PSMD14: variants seen among roughly 807,000 people sequenced by gnomAD.
PSMD14 encodes proteasome 26S subunit, non-ATPase 14, also known as ubiquitin C-terminal hydrolase PSMD14.
Under a neutral mutation model 41.2 loss-of-function variants are expected in PSMD14, and 7 were observed. The observed-to-expected ratio is 0.17, with a 90% CI of 0.10 to 0.32. PSMD14 has a LOEUF of 0.32. Ranked by LOEUF, PSMD14 falls within the 10% of genes least tolerant of loss-of-function variation. PSMD14 has a pLI of 1.00. For missense variants in PSMD14, 139 were observed against 375.6 expected, an observed-to-expected ratio of 0.37 and a Z score of 5.21; for synonymous variants, 114 against 122.3, an observed-to-expected ratio of 0.93 and a Z score of 0.45.
chr2:161,378,488 A>G (rs1683532034), intron 7 of PSMD14, among the ~76,000 whole-genome samples: 1 of 151,940 alleles, frequency 6.6e-6, no homozygotes, highest in South Asian at 2.1e-4. Context: ...AGTAACCAAA[A>G]GTGCTCTTTT....
At chr2:161,343,914 A>G (rs1009667046) in intron 3 of PSMD14, among the ~76,000 whole-genome samples, 1 of 152,116 alleles carries the variant, frequency 6.6e-6, no homozygotes, top group Non-Finnish European at 1.5e-5. Context: ...TTCTGCATCC[A>G]TGGATTCAAC....
chr2:161,316,243 T>TA (rs759646117), intron 1 of PSMD14, among the ~76,000 whole-genome samples, 194 bp from the exon 2 acceptor site: 24 of 152,228 alleles, frequency 1.6e-4, no homozygotes, highest in Non-Finnish European at 3.2e-4. Flanking sequence ...AAAATTTGGA[T>TA]ACAGGGTTAA....
At position 161,391,128 on chromosome 2, in the gene PSMD14, C is replaced by A; in HGVS notation, c.595C>A (p.His199Asn). ...IQALIHGLNRHYYSITINYRK... is the reference protein window; with the variant it reads ...IQALIHGLNRNYYSITINYRK... ...GGCATTAATTCATGGACTAAACAGA[C>A]ATTATTACTCCATTACTATTAACTA... Residue 199 changes from histidine (H) to asparagine (N), a missense_variant, in exon 9 of 12, where the codon CAT (histidine) becomes AAT (asparagine). Physicochemically the swap from His to Asn is moderately conservative, Grantham distance 68. Transcript: ENST00000409682. 1 of 1,532,894 alleles carries A rather than the reference C, an allele frequency of 6.5e-7. No homozygotes were observed. The highest frequency in any genetic ancestry group is 8.8e-7 in the Non-Finnish European group (1 of 1,138,006). The allele number at this position is 1,532,894 out of a possible 1,614,324, so 95.0% of individuals were successfully genotyped here. A position where few individuals can be genotyped will look rare whatever the true frequency, so the allele number is the denominator to read the frequency against.
chr2:161,357,682 G>A (rs1440334452), intron 3 of PSMD14, among the ~76,000 whole-genome samples: 1 of 152,118 alleles, frequency 6.6e-6, no homozygotes, highest in Non-Finnish European at 1.5e-5. Context: ...GCAGCAGACT[G>A]TGAAGTTGCA....
intron 1 of PSMD14, among the ~76,000 whole-genome samples, chr2:161,313,615 G>A (rs1424414069): frequency 1.3e-5 from 2 of 152,218 alleles, no homozygotes; most frequent in East Asian, 3.8e-4. Flanking sequence ...CTCCCAAATT[G>A]CTGGGATTAC....
chr2:161,371,411 T>G, intron 7 of PSMD14, 89 bp downstream of exon 7: 1 of 1,340,756 alleles, frequency 7.5e-7, no homozygotes, highest in African/African-American at 1.5e-5. Flanking sequence ...CAAAGCAGGA[T>G]TCTTAATTAC....
At chr2:161,372,464 A>G (rs1222232298) in intron 7 of PSMD14, among the ~76,000 whole-genome samples, 1 of 151,994 alleles carries the variant, frequency 6.6e-6, no homozygotes, top group African/African-American at 2.4e-5. Context: ...TGTCATTATC[A>G]TGTATAAAAA....
chr2:161,378,756 C>G (rs1009147096), intron 7 of PSMD14, among the ~76,000 whole-genome samples: 3 of 151,928 alleles, frequency 2.0e-5, no homozygotes, highest in Non-Finnish European at 2.9e-5. Flanking sequence ...TGTGTCATTT[C>G]ATTTAATTGA....
intron 10 of PSMD14, among the ~76,000 whole-genome samples, chr2:161,407,044 C>T (rs1022144280): frequency 6.6e-6 from 1 of 152,046 alleles, no homozygotes; most frequent in Non-Finnish European, 1.5e-5. Context: ...TTTTTGCCTC[C>T]TTCCAATACT....
At chr2:161,395,374 G>A (rs1683779060) in intron 10 of PSMD14, among the ~76,000 whole-genome samples, 171 bp downstream of exon 10, 1 of 152,144 alleles carries the variant, frequency 6.6e-6, no homozygotes, top group South Asian at 2.1e-4. Flanking sequence ...CCTTTGTAAT[G>A]CAAAGGCAGC....
intron 8 of PSMD14, among the ~76,000 whole-genome samples, chr2:161,389,889 G>GTTTTTTTTTTTTTTTTTTTTT (rs1162637393): frequency 2.0e-4 from 4 of 20,050 alleles, no homozygotes; most frequent in South Asian, 2.6e-3. Context: ...CTTTTTTGTT[G>GTTTTTTTTTTTTTTTTTTTTT]TTTTTTTTTT....
At chr2:161,374,605 G>T (rs957433442) in intron 7 of PSMD14, among the ~76,000 whole-genome samples, 3 of 151,926 alleles carry the variant, frequency 2.0e-5, no homozygotes, top group Admixed American at 6.6e-5. Context: ...TATAAGGTCC[G>T]CTTGCAGCAT....
At chr2:161,325,748 C>T (rs139342607) in intron 3 of PSMD14, among the ~76,000 whole-genome samples, 106 of 152,188 alleles carry the variant, frequency 7.0e-4, no homozygotes, top group African/African-American at 2.3e-3. Flanking sequence ...TACCAGATTT[C>T]GAAACATATT....
At chr2:161,362,789 T>C (rs1191721121) in intron 3 of PSMD14, among the ~76,000 whole-genome samples, 2 of 152,250 alleles carry the variant, frequency 1.3e-5, no homozygotes, top group Non-Finnish European at 2.9e-5. Context: ...TTTTACTTTA[T>C]GTAATTGAGA....
At chr2:161,361,318 T>C (rs1683286466) in intron 3 of PSMD14, among the ~76,000 whole-genome samples, 1 of 152,200 alleles carries the variant, frequency 6.6e-6, no homozygotes, top group Non-Finnish European at 1.5e-5. Context: ...TGCAACACTG[T>C]AATAGTTCAT....
intron 3 of PSMD14, among the ~76,000 whole-genome samples, chr2:161,345,461 T>G (rs1270930672): frequency 6.6e-6 from 1 of 152,058 alleles, no homozygotes; most frequent in Non-Finnish European, 1.5e-5. Flanking sequence ...CAGGCTGGTC[T>G]CAAACTCCTG....
intron 3 of PSMD14, among the ~76,000 whole-genome samples, chr2:161,345,212 A>G (rs954010084): frequency 6.7e-6 from 1 of 148,178 alleles, no homozygotes; most frequent in Admixed American, 6.7e-5. Context: ...TGAAATTTCA[A>G]TTCTGTTCTC....
At chr2:161,375,267 G>T (rs758991543) in intron 7 of PSMD14, among the ~76,000 whole-genome samples, 3 of 151,938 alleles carry the variant, frequency 2.0e-5, no homozygotes, top group Non-Finnish European at 2.9e-5. Context: ...ATCTTATTCT[G>T]CCAATTATAT....
chr2:161,385,136 A>C (rs1394288743), intron 7 of PSMD14: 2 of 161,180 alleles, frequency 1.2e-5, no homozygotes, highest in African/African-American at 4.8e-5. Flanking sequence ...ATTAGGTAAA[A>C]TTTAGGTGAC....
Sources: allele counts gnomAD v4.1 joint callset (sites outside exome capture counted in the v4.1 genomes callset), GRCh38; gene constraint gnomAD v4.1.1; transcripts MANE v1.5; gene names NCBI Gene and HGNC (gene_info 2026-07-23, HGNC 2026-07-21).